Variants in PARD3 observed in about 807,000 individuals in gnomAD.
PARD3 encodes par-3 family cell polarity regulator.
A neutral mutation model predicts 155.4 loss-of-function variants in PARD3; 75 were observed. That is an observed-to-expected ratio of 0.48 (90% CI 0.40 to 0.58). The LOEUF is 0.58. Ranked by LOEUF, PARD3 falls within the 20% of genes least tolerant of loss-of-function variation. PARD3 has a pLI of 0.00. For synonymous variants in PARD3, 576 were observed against 610.5 expected (o/e 0.94, Z 0.83); for missense variants, 1,642 against 1,721.7 (o/e 0.95, Z 0.82).
At chr10:34,565,260 C>CTT (rs59606413) in intron 2 of PARD3, among the ~76,000 whole-genome samples, 689 of 39,670 alleles carry the variant, frequency 0.017, 217 homozygotes, top group East Asian at 0.031. Flanking sequence ...AGGAGCAAGG[C>CTT]TTTTTTTTTT....
At chr10:34,523,579 C>G (rs541077869) in intron 2 of PARD3, among the ~76,000 whole-genome samples, 1 of 152,142 alleles carries the variant, frequency 6.6e-6, no homozygotes, top group African/African-American at 2.4e-5. Flanking sequence ...CAAGCCAGAT[C>G]CAGCGGCTTA....
intron 2 of PARD3, among the ~76,000 whole-genome samples, chr10:34,693,324 C>T (rs2094105138): frequency 1.3e-5 from 2 of 152,172 alleles, no homozygotes; most frequent in Admixed American, 6.5e-5. Context: ...ACACTATTCA[C>T]AATAGCAAAG....
At chr10:34,379,272 A>C (rs1030389214) in intron 9 of PARD3, among the ~76,000 whole-genome samples, 1 of 152,146 alleles carries the variant, frequency 6.6e-6, no homozygotes, top group African/African-American at 2.4e-5. Context: ...AGAAACATTA[A>C]AGGAGAAATA....
chr10:34,662,877 A>G (rs1564475234), intron 2 of PARD3, among the ~76,000 whole-genome samples: 1 of 152,008 alleles, frequency 6.6e-6, no homozygotes, highest in Non-Finnish European at 1.5e-5. Flanking sequence ...CTCAGAAAAA[A>G]AAAAAAAAAG....
intron 1 of PARD3, among the ~76,000 whole-genome samples, chr10:34,756,025 A>G (rs1303642397): frequency 1.3e-5 from 2 of 152,068 alleles, no homozygotes; most frequent in Non-Finnish European, 2.9e-5. Flanking sequence ...CAAACTTACA[A>G]TAAGTTGTTA....
chr10:34,337,488 G>C, intron 16 of PARD3, 62 bp from the exon 17 acceptor site: 1 of 1,123,162 alleles, frequency 8.9e-7, no homozygotes, highest in Non-Finnish European at 1.2e-6. Context: ...TCCATTTTAG[G>C]GAGGTTCATA....
At chr10:34,537,942 C>G (rs1313588147) in intron 2 of PARD3, among the ~76,000 whole-genome samples, 1 of 152,186 alleles carries the variant, frequency 6.6e-6, no homozygotes, top group Non-Finnish European at 1.5e-5. Flanking sequence ...CACCTAAAAA[C>G]TGACCTGATT....
chr10:34,329,681 G>A (rs1342094440), intron 19 of PARD3, among the ~76,000 whole-genome samples: 1 of 152,074 alleles, frequency 6.6e-6, no homozygotes, highest in Non-Finnish European at 1.5e-5. Context: ...TCTGGGCCTG[G>A]AGAGGCCGCC....
chr10:34,502,759 A>G (rs1358065927), intron 3 of PARD3, among the ~76,000 whole-genome samples: 3 of 152,210 alleles, frequency 2.0e-5, no homozygotes, highest in African/African-American at 7.2e-5. Flanking sequence ...CATCTCAAAA[A>G]AAACAAAAAC....
At chr10:34,630,611 T>C (rs2092220657) in intron 2 of PARD3, among the ~76,000 whole-genome samples, 1 of 151,672 alleles carries the variant, frequency 6.6e-6, no homozygotes, top group South Asian at 2.1e-4. Context: ...CCACCATGCC[T>C]GGCTAATTTT....
chr10:34,562,546 T>C (rs1015841869), intron 2 of PARD3, among the ~76,000 whole-genome samples: 2 of 152,174 alleles, frequency 1.3e-5, no homozygotes, highest in African/African-American at 4.8e-5. Flanking sequence ...ACAGGCCCAA[T>C]CTGCTTTTCC....
At chr10:34,575,752 T>C (rs1205033472) in intron 2 of PARD3, among the ~76,000 whole-genome samples, 1 of 152,026 alleles carries the variant, frequency 6.6e-6, no homozygotes, top group Non-Finnish European at 1.5e-5. Flanking sequence ...AAAAGTTAGC[T>C]GGACATGGTG....
At chr10:34,133,457 C>A (rs1328295234) in intron 22 of PARD3, among the ~76,000 whole-genome samples, 2 of 152,216 alleles carry the variant, frequency 1.3e-5, no homozygotes, top group East Asian at 1.9e-4. Context: ...ACTGCCTCCA[C>A]AACAGAACGT....
Position 34,534,611 on chromosome 10 carries a change from GCAGA to G in PARD3, c.223-17456_223-17453del, listed in dbSNP as rs554955507. On this transcript the variant is annotated intron_variant, in intron 2 of 24. Transcript: ENST00000374788. ...ATTATGAGCAAATGTGCCTGTATAT[GCAGA>G]CAGTGAACAAAATCACAGGCACAAA... 5.1e-4 allele frequency among the ~76,000 whole-genome samples: 78 copies of G among 152,286 alleles called. No individual in the cohort carries two copies. In the East Asian group the frequency reaches 0.014, roughly 28 times the overall value.
chr10:34,570,685 C>T (rs1813913597), intron 2 of PARD3, among the ~76,000 whole-genome samples: 1 of 152,032 alleles, frequency 6.6e-6, no homozygotes, highest in Non-Finnish European at 1.5e-5. Context: ...ATATCAGAAA[C>T]CGAAAAATAA....
rs1292676495 is a variant in PARD3, at chr10:34,341,727, G to C, written c.2308C>G (p.Leu770Val). The change falls in exon 16 of 25, where the codon CTC (leucine) becomes GTC (valine). Residue 770 changes from leucine (L) to valine (V), a missense_variant. This residue lies in a region of PARD3 where 1,529 missense variants were observed against 1,587.3 expected (regional missense o/e 0.96). Transcript: ENST00000374788. ...GAGCTGGAAGAGGACTGGTCAGAGA[G>C]ATGTGGAGGAAGCACTGGCAACCTG... ...DDRLPVLPPH[L>V]SDQSSSSSHD... 1.2e-6 allele frequency: 2 copies of C among 1,613,866 alleles called. No homozygotes were observed. The highest frequency in any genetic ancestry group is 1.7e-6 in the Non-Finnish European group (2 of 1,179,772).
chr10:34,267,616 A>G (rs1179303855), intron 22 of PARD3, among the ~76,000 whole-genome samples: 1 of 152,210 alleles, frequency 6.6e-6, no homozygotes, highest in African/African-American at 2.4e-5. Flanking sequence ...TTTGCCTAAG[A>G]GTTACCTGTT....
At chr10:34,264,332 A>T (rs901564812) in intron 22 of PARD3, among the ~76,000 whole-genome samples, 1 of 152,206 alleles carries the variant, frequency 6.6e-6, no homozygotes, top group African/African-American at 2.4e-5. Flanking sequence ...ATGCATTTCC[A>T]ATATGTTATT....
chr10:34,600,160 CTCTG>C (rs1323545964), intron 2 of PARD3, among the ~76,000 whole-genome samples: 2 of 148,088 alleles, frequency 1.4e-5, no homozygotes, highest in African/African-American at 5.1e-5. Flanking sequence ...CATGGTAAAA[CTCTG>C]TCTCTATCAA....
Sources: allele counts gnomAD v4.1 joint callset (sites outside exome capture counted in the v4.1 genomes callset), GRCh38; gene constraint gnomAD v4.1.1; regional missense constraint gnomAD v4.1.1; transcripts MANE v1.5; gene names NCBI Gene and HGNC (gene_info 2026-07-23, HGNC 2026-07-21).